The following NCAPD2 variants were observed in gnomAD, a reference collection of about 807,000 sequenced individuals.
NCAPD2 encodes condensin complex subunit 1.
A neutral mutation model predicts 164.5 loss-of-function variants in NCAPD2; 100 were observed. The observed-to-expected ratio is 0.61, with a 90% CI of 0.52 to 0.72. NCAPD2 has a LOEUF of 0.72. Ranked by LOEUF, NCAPD2 falls within the 30% of genes least tolerant of loss-of-function variation. The probability of loss-of-function intolerance (pLI) is 0.00; values close to 1 mark genes in which losing one functional copy is unlikely to be tolerated. For synonymous variants in NCAPD2, 585 were observed against 642.6 expected (o/e 0.91, Z 1.36); for missense variants, 1,560 against 1,749.2 (o/e 0.89, Z 1.93).
chr12:6,511,098 G>T lies in NCAPD2; in HGVS notation c.445-12G>T. The T allele has an allele frequency of 6.2e-7, 1 of 1,613,188 alleles. No individual in the cohort carries two copies. Among genetic ancestry groups the T allele is most frequent in the South Asian group, 1.1e-5 (1 of 90,926 alleles). On this transcript the variant is annotated splice_polypyrimidine_tract_variant and intron_variant, in intron 5 of 31. Coordinates refer to ENST00000315579, the MANE Select transcript of NCAPD2 (RefSeq NM_014865.4). ...CTTATTTTTTCCTCAATGTATACAT[G>T]ATCCTTTTTAGGGTAAGAAAGCTCG...
In NCAPD2 at chr12:6,526,445, C is replaced by T. The variant is rs1946319018; in HGVS notation, c.2567-3C>T. 6.2e-7 allele frequency: 1 copy of T among 1,614,188 alleles called. No homozygotes were observed. The highest frequency in any genetic ancestry group is 8.5e-7 in the Non-Finnish European group (1 of 1,180,032). ...TAAACAACTTCTCCCTCCTCCTCTG[C>T]AGGCTTTGTCCACCCAGACCCACTC... On this transcript the variant is annotated splice_polypyrimidine_tract_variant and splice_region_variant and intron_variant, in intron 20 of 31. Transcript: ENST00000315579.
chr12:6,524,839 C>T (rs1946301537), intron 17 of NCAPD2, among the ~76,000 whole-genome samples: 4 of 152,036 alleles, frequency 2.6e-5, no homozygotes, highest in South Asian at 2.1e-4. Context: ...GTGGAGGTGG[C>T]GCTGGGAAGC....
intron 2 of NCAPD2, among the ~76,000 whole-genome samples, chr12:6,495,577 A>G (rs1198048666): frequency 1.3e-5 from 2 of 152,120 alleles, no homozygotes; most frequent in African/African-American, 4.8e-5. Context: ...ACTTAACTCG[A>G]CCTGTTTTTG....
chr12:6,519,634 A>G (rs935611489), intron 13 of NCAPD2, among the ~76,000 whole-genome samples: 5 of 151,950 alleles, frequency 3.3e-5, no homozygotes, highest in Middle Eastern at 3.2e-3. Flanking sequence ...CCCCTTTTAT[A>G]TGACTGATAG....
chr12:6,506,951 A>G (rs1946104599), intron 2 of NCAPD2, among the ~76,000 whole-genome samples: 1 of 152,252 alleles, frequency 6.6e-6, no homozygotes, highest in African/African-American at 2.4e-5. Context: ...GTAGACATAC[A>G]TAGGTGCCTT....
Position 6,525,729 on chromosome 12 carries a change from T to A in NCAPD2, c.2348+13T>A. The A allele has an allele frequency of 6.2e-7, 1 of 1,611,824 alleles. No homozygotes were observed. The highest frequency in any genetic ancestry group is 1.1e-5 in the South Asian group (1 of 91,040). ...GCATGATGGCACGGTGAGGCTCAAA[T>A]CTAGCAGGCAATGGGGTGGGAGAGC... On this transcript the variant is annotated intron_variant, in intron 18 of 31. Coordinates refer to ENST00000315579, the MANE Select transcript of NCAPD2 (RefSeq NM_014865.4).
At chr12:6,500,041 T>C (rs891332861) in intron 2 of NCAPD2, among the ~76,000 whole-genome samples, 3 of 152,046 alleles carry the variant, frequency 2.0e-5, no homozygotes, top group Non-Finnish European at 4.4e-5. Flanking sequence ...GAGAATTGCT[T>C]GAGCCCAGGA....
chr12:6,507,281 C>A (rs917850190), intron 2 of NCAPD2, among the ~76,000 whole-genome samples: 6 of 152,214 alleles, frequency 3.9e-5, no homozygotes, highest in African/African-American at 1.4e-4. Context: ...TCTCATGATA[C>A]AAGACAGTCA....
At position 6,522,944 on chromosome 12, in the gene NCAPD2, G is replaced by A. The variant is rs893044825; in HGVS notation, c.2071G>A (p.Glu691Lys). The change falls in exon 16 of 32, where the codon GAA becomes AAA. Residue 691 changes from glutamate to lysine, a missense_variant. Transcript: ENST00000315579. The part of the protein sequence containing the change: ...LIWSKEPGVR[E>K]AVLNAYRQLY... ...CTGGTCTAAGGAGCCTGGTGTCCGG[G>A]AAGCCGTGCTTAATGCCTACCGCCA... is the stretch of plus-strand genomic sequence containing the variant. 7.4e-6 allele frequency: 12 copies of A among 1,614,058 alleles called. No homozygotes were observed. Among genetic ancestry groups the A allele is most frequent in the African/African-American group, 5.3e-5 (4 of 74,904 alleles).
intron 2 of NCAPD2, among the ~76,000 whole-genome samples, chr12:6,506,804 C>T (rs1374402096): frequency 6.6e-6 from 1 of 152,064 alleles, no homozygotes; most frequent in Non-Finnish European, 1.5e-5. Flanking sequence ...GTGATTGTGC[C>T]ATTGCACTCC....
At position 6,522,968 on chromosome 12, in the gene NCAPD2, C is replaced by G; in HGVS notation, c.2095C>G (p.Gln699Glu). 1 of 1,614,214 alleles carries G rather than the reference C, an allele frequency of 6.2e-7. No homozygotes were observed. Among genetic ancestry groups the G allele is most frequent in the South Asian group, 1.1e-5 (1 of 91,088 alleles). Residue 699 changes from glutamine (Q) to glutamate (E), a missense_variant, in exon 16 of 32, where the codon CAA becomes GAA. Coordinates refer to ENST00000315579, the MANE Select transcript of NCAPD2 (RefSeq NM_014865.4). ...GGAAGCCGTGCTTAATGCCTACCGC[C>G]AACTCTACCTCAACCCCAAAGGGGA... ...VREAVLNAYR[Q>E]LYLNPKGDSA...
chr12:6,513,866 C>A (rs767195945), intron 6 of NCAPD2, among the ~76,000 whole-genome samples: 5 of 151,808 alleles, frequency 3.3e-5, no homozygotes, highest in Admixed American at 6.6e-5. Flanking sequence ...CAGGCGCCCA[C>A]CACCACACCC....
At chr12:6,530,865 C>T in intron 30 of NCAPD2, 48 bp downstream of exon 30, 1 of 1,613,566 alleles carries the variant, frequency 6.2e-7, no homozygotes, top group Non-Finnish European at 8.5e-7. Flanking sequence ...GCCCTCCCCT[C>T]CTGCAGTGAT....
intron 13 of NCAPD2, chr12:6,518,175 A>G (rs922975224): frequency 1.1e-4 from 50 of 446,106 alleles, no homozygotes; most frequent in Non-Finnish European, 1.7e-4. Flanking sequence ...CTACTGAAAC[A>G]ATTAAATGTT....
Position 6,525,569 on chromosome 12 carries a change from T to C in NCAPD2, c.2215-14T>C, listed in dbSNP as rs1946308580. The C allele has an allele frequency of 1.3e-6, 2 of 1,589,676 alleles. No homozygotes were observed. The highest frequency in any genetic ancestry group is 3.5e-5 in the Admixed American group (2 of 57,866). On this transcript the variant is annotated splice_polypyrimidine_tract_variant and intron_variant, in intron 17 of 31. Transcript: ENST00000315579. ...GTTCATTTTTGGCTTGAGCCCTTTT[T>C]CTTTTCTCTTTAGCTCTGTGAGTTT...
At chr12:6,509,689 A>C (rs555034506) in intron 2 of NCAPD2, 28 bp from the exon 3 acceptor site, 2 of 1,609,160 alleles carry the variant, frequency 1.2e-6, no homozygotes, top group African/African-American at 1.3e-5. Flanking sequence ...CTTCCCTCCA[A>C]ATTGATTTGT....
chr12:6,521,195 G>T (rs879215809), intron 14 of NCAPD2, 85 bp downstream of exon 14: 3 of 1,516,582 alleles, frequency 2.0e-6, no homozygotes, highest in African/African-American at 2.8e-5. Context: ...CATTGGCCTG[G>T]TTAACAGAAC....
At position 6,528,548 on chromosome 12, in the gene NCAPD2, C is replaced by A. The variant is rs1251948828; in HGVS notation, c.3300-131C>A. ...CTTTCCCCCACTCCAGCTTTCAACT[C>A]TAGACAGCTTTCTGACTGCTTCTGG... On this transcript the variant is annotated intron_variant, in intron 25 of 31. Coordinates refer to ENST00000315579, the MANE Select transcript of NCAPD2 (RefSeq NM_014865.4). This position sits in a 1 kb window ranked among gnomAD's most constrained non-coding sequence, Gnocchi z 5.1. 6.5e-6 allele frequency: 8 copies of A among 1,233,982 alleles called. No homozygotes were observed. In the Admixed American group the frequency reaches 1.5e-4, roughly 24 times the overall value. The allele number at this position is 1,233,982 out of a possible 1,614,324, so 76.4% of individuals were successfully genotyped here. A position where few individuals can be genotyped will look rare whatever the true frequency, so the allele number is the denominator to read the frequency against.
chr12:6,501,284 A>G (rs1233230604), intron 2 of NCAPD2, among the ~76,000 whole-genome samples: 1 of 121,060 alleles, frequency 8.3e-6, no homozygotes, highest in African/African-American at 3.2e-5. Flanking sequence ...TCTCTCGCCC[A>G]GGCTGGAGTG....
Sources: allele counts gnomAD v4.1 joint callset (sites outside exome capture counted in the v4.1 genomes callset), GRCh38; gene constraint gnomAD v4.1.1; non-coding constraint Gnocchi (gnomAD v3.1); transcripts MANE v1.5; gene names NCBI Gene and HGNC (gene_info 2026-07-23, HGNC 2026-07-21).